The following USP6NL variants were observed in gnomAD, a reference collection of about 807,000 sequenced individuals.
USP6NL encodes the protein USP6 N-terminal like, also known as USP6 N-terminal-like protein.
A neutral mutation model predicts 61.9 loss-of-function variants in USP6NL; 26 were observed. The ratio of observed to expected loss-of-function variants is 0.42; its 90% CI spans 0.31 to 0.58. USP6NL has a LOEUF of 0.58. USP6NL is among the 20% of genes least tolerant of loss of function. The pLI, the probability that USP6NL is intolerant of heterozygous loss-of-function variation, is 0.16. For synonymous variants in USP6NL, 432 were observed against 390.1 expected, an observed-to-expected ratio of 1.11 and a Z score of -1.27; for missense variants, 1,114 against 1,034.3, an observed-to-expected ratio of 1.08 and a Z score of -1.06.
In USP6NL at chr10:11,510,407, G is replaced by A. The variant is rs1239910293; in HGVS notation, c.196-732C>T. 6.6e-6 allele frequency among the ~76,000 whole-genome samples: 1 copy of A among 152,114 alleles called. No individual in the cohort carries two copies. The highest frequency in any genetic ancestry group is 2.4e-5 in the African/African-American group (1 of 41,406). On this transcript the variant is annotated intron_variant, in intron 5 of 14. Coordinates refer to ENST00000609104, the MANE Select transcript of USP6NL (RefSeq NM_014688.5). The surrounding 1 kb of genome is among the most constrained non-coding windows in gnomAD (Gnocchi z 4.8). ...GGGAAAGAATGTTCCAGGCAGCCTT[G>A]AGAATGCATGTATTTCTGAGACAGC...
chr10:11,544,767 G>A (rs528905217), intron 2 of USP6NL, among the ~76,000 whole-genome samples: 1 of 152,308 alleles, frequency 6.6e-6, no homozygotes, highest in South Asian at 2.1e-4. Context: ...GGGATTACAG[G>A]TGTGAGCCAC....
chr10:11,524,534 CA>C (rs1566157242), intron 4 of USP6NL, among the ~76,000 whole-genome samples: 1 of 151,806 alleles, frequency 6.6e-6, no homozygotes, highest in Admixed American at 6.6e-5. Flanking sequence ...CATAATACAG[CA>C]AAATAAATTC....
At position 11,463,198 on chromosome 10, in the gene USP6NL, G is replaced by A. The variant is rs201400885; in HGVS notation, c.1730C>T (p.Pro577Leu). ...GCTAGGAGGGTAAAGGGCATGCCGG[G>A]GGCTCTGGGAGTAAGCCCTTTCCAG... Reference protein sequence around the residue: ...EALERAYSQSPRHALYPPSPR... With the variant: ...EALERAYSQSLRHALYPPSPR... Residue 577 changes from proline (P) to leucine (L), a missense_variant, in exon 15 of 15, where the codon CCC (proline) becomes CTC (leucine). Coordinates refer to ENST00000609104, the MANE Select transcript of USP6NL (RefSeq NM_014688.5). This position sits in a 1 kb window ranked among gnomAD's most constrained non-coding sequence, Gnocchi z 6.3. 49 of 1,613,502 alleles carry A rather than the reference G, an allele frequency of 3.0e-5. No homozygotes were observed. In the African/African-American group the frequency reaches 6.3e-4, roughly 21 times the overall value.
chr10:11,509,065 C>G (rs1834585792), intron 6 of USP6NL, among the ~76,000 whole-genome samples: 1 of 152,164 alleles, frequency 6.6e-6, no homozygotes, highest in African/African-American at 2.4e-5. Context: ...ATGTATTTTT[C>G]TCTAACTAAC....
Position 11,463,449 on chromosome 10 carries a change from G to C in USP6NL, c.1479C>G (p.Val493=). 6.2e-7 allele frequency: 1 copy of C among 1,614,080 alleles called. No individual in the cohort carries two copies. The highest frequency in any genetic ancestry group is 8.5e-7 in the Non-Finnish European group (1 of 1,179,906). ...FVPKWNKPSD[V]SATERTAKYT... ...ATTTGGCAGTTCTCTCTGTAGCTGA[G>C]ACGTCTGACGGTTTATTCCATTTGG... Residue 493 remains valine (V), a synonymous_variant, in exon 15 of 15, where the codon GTC becomes GTG. Transcript: ENST00000609104. This position sits in a 1 kb window ranked among gnomAD's most constrained non-coding sequence, Gnocchi z 6.3.
At position 11,489,910 on chromosome 10, in the gene USP6NL, C is replaced by G. The variant is rs565188204; in HGVS notation, c.544-688G>C. ...CTCACAATGAATCTGTGGGTGCAAT[C>G]TGAGCCGCAGTATAACTGGCCAGTA... On this transcript the variant is annotated intron_variant, in intron 9 of 14. Coordinates refer to ENST00000609104, the MANE Select transcript of USP6NL (RefSeq NM_014688.5). This position sits in a 1 kb window ranked among gnomAD's most constrained non-coding sequence, Gnocchi z 5.7. Among the ~76,000 whole-genome samples, 3 of 152,338 alleles carry G rather than the reference C, an allele frequency of 2.0e-5. No individual in the cohort carries two copies. In the East Asian group the frequency reaches 5.8e-4, roughly 29 times the overall value.
chr10:11,539,806 T>C (rs1385843166), intron 2 of USP6NL, among the ~76,000 whole-genome samples: 2 of 152,264 alleles, frequency 1.3e-5, no homozygotes, highest in Non-Finnish European at 2.9e-5. Flanking sequence ...GAGAGGTTAC[T>C]ATGTGCCAGA....
rs1026672693 is a variant in USP6NL at position 11,463,770 on chromosome 10, G to A, written c.1158C>T (p.Ser386=). The change falls in exon 15 of 15, where the codon AGC becomes AGT. Residue 386 remains serine (S), a synonymous_variant. Transcript: ENST00000609104. This position sits in a 1 kb window ranked among gnomAD's most constrained non-coding sequence, Gnocchi z 6.3. ...ELQSWGVHHL[S]NGQRSVGRPS... ...GCCGGCCCACGCTCCTCTGTCCGTTGCTCAAGTGATGGACGCCCCAAGACT... is the reference window on the plus strand; with the variant it reads ...GCCGGCCCACGCTCCTCTGTCCGTTACTCAAGTGATGGACGCCCCAAGACT... 3.2e-5 allele frequency: 50 copies of A among 1,552,426 alleles called. No homozygotes were observed. Among genetic ancestry groups the A allele is most frequent in the Non-Finnish European group, 4.4e-5 (50 of 1,149,356 alleles).
At chr10:11,560,624 C>G (rs2133530408) in intron 2 of USP6NL, among the ~76,000 whole-genome samples, 1 of 150,394 alleles carries the variant, frequency 6.6e-6, no homozygotes, top group African/African-American at 2.4e-5. Flanking sequence ...GGCAATACTT[C>G]ACTGACTCAA....
chr10:11,554,802 T>C (rs983908151), intron 2 of USP6NL, among the ~76,000 whole-genome samples: 1 of 95,864 alleles, frequency 1.0e-5, no homozygotes, highest in Admixed American at 1.1e-4. Context: ...GTAAGGCAGC[T>C]TTTTTTTTTT....
At chr10:11,581,701 T>C (rs556505608) in intron 2 of USP6NL, among the ~76,000 whole-genome samples, 2 of 152,358 alleles carry the variant, frequency 1.3e-5, no homozygotes, top group South Asian at 4.1e-4. Flanking sequence ...TTCTCTCTTT[T>C]TTGGGTTAAG....
At chr10:11,545,642 C>A (rs978146587) in intron 2 of USP6NL, among the ~76,000 whole-genome samples, 1 of 152,172 alleles carries the variant, frequency 6.6e-6, no homozygotes, top group Non-Finnish European at 1.5e-5. Flanking sequence ...AATATAAATA[C>A]AAGTAACAAA....
At chr10:11,568,370 G>A (rs1209834640) in intron 2 of USP6NL, among the ~76,000 whole-genome samples, 3 of 151,950 alleles carry the variant, frequency 2.0e-5, no homozygotes, top group Admixed American at 2.0e-4. Context: ...AAAGACATTC[G>A]CTGACTTACC....
intron 2 of USP6NL, among the ~76,000 whole-genome samples, chr10:11,531,749 G>C (rs541484559): frequency 6.6e-6 from 1 of 150,684 alleles, no homozygotes; most frequent in Non-Finnish European, 1.5e-5. Context: ...ATGTAACAAA[G>C]TTTCAAAGTA....
chr10:11,541,697 G>C (rs899137837), intron 2 of USP6NL, among the ~76,000 whole-genome samples: 5 of 152,092 alleles, frequency 3.3e-5, no homozygotes, highest in Admixed American at 2.6e-4. Context: ...GATGTGCACA[G>C]ATCTTAAATA....
chr10:11,571,900 C>CA (rs897986524), intron 2 of USP6NL, among the ~76,000 whole-genome samples: 1 of 149,126 alleles, frequency 6.7e-6, no homozygotes, highest in African/African-American at 2.4e-5. Context: ...AAATTTTAAA[C>CA]AAAAGTCTGA....
chr10:11,465,987 C>T lies in USP6NL; in HGVS notation c.1079-2138G>A, dbSNP rs1832434768. Among the ~76,000 whole-genome samples, 1 of 152,136 alleles carries T rather than the reference C, an allele frequency of 6.6e-6. No homozygotes were observed. On this transcript the variant is annotated intron_variant, in intron 14 of 14. Transcript: ENST00000609104. The surrounding 1 kb of genome is among the most constrained non-coding windows in gnomAD (Gnocchi z 4.5). The stretch of plus-strand genomic sequence containing the variant: ...TGATTATAATAAAATGTATTTTATA[C>T]AACCCCATCAAAAAAACAACTGGGC...
At position 11,476,135 on chromosome 10, in the gene USP6NL, T is replaced by C. The variant is rs1336387543; in HGVS notation, c.1078+5635A>G. ...TCAAGCGACTTAAGCCCATAACAAA[T>C]ACAAAATGTAGCCCTGACTAAGTGC... On this transcript the variant is annotated intron_variant, in intron 14 of 14. Transcript: ENST00000609104. The surrounding 1 kb of genome is among the most constrained non-coding windows in gnomAD (Gnocchi z 4.3). 6.6e-6 allele frequency among the ~76,000 whole-genome samples: 1 copy of C among 152,116 alleles called. No individual in the cohort carries two copies. The highest frequency in any genetic ancestry group is 1.5e-5 in the Non-Finnish European group (1 of 68,012).
intron 7 of USP6NL, among the ~76,000 whole-genome samples, chr10:11,498,235 CAAAAAAAAAAA>C (rs11341542): frequency 0.23 from 9,040 of 39,262 alleles, 574 homozygotes; most frequent in Admixed American, 0.34. Context: ...CACTCTGTCT[CAAAAAAAAAAA>C]AAAAAAAAAA....
Sources: gnomAD v4.1 joint callset for allele counts (sites outside exome capture counted in the v4.1 genomes callset) on GRCh38, gnomAD v4.1.1 for gene constraint, Gnocchi (gnomAD v3.1) non-coding constraint, MANE v1.5 for transcripts, NCBI Gene and HGNC (gene_info 2026-07-23, HGNC 2026-07-21) for gene names.